Variants in CREM observed in about 807,000 individuals in gnomAD.
The protein encoded by CREM is cAMP responsive element modulator.
A neutral mutation model predicts 37.3 loss-of-function variants in CREM; 13 were observed. The ratio of observed to expected loss-of-function variants is 0.35; its 90% CI spans 0.23 to 0.55. The LOEUF is 0.55. Among genes scored for constraint, CREM ranks in the 20% least tolerant of loss-of-function variants. CREM has a pLI of 0.88. For missense variants in CREM, 296 were observed against 362.3 expected (o/e 0.82, Z 1.49); for synonymous variants, 124 against 120.2 (o/e 1.03, Z -0.21).
intron 3 of CREM, among the ~76,000 whole-genome samples, chr10:35,163,064 G>C (rs1006111461): frequency 5.3e-5 from 8 of 151,384 alleles, no homozygotes; most frequent in Admixed American, 1.3e-4. Flanking sequence ...AAATTAGCCA[G>C]GCATGGTGGC....
intron 6 of CREM, among the ~76,000 whole-genome samples, chr10:35,194,270 A>T (rs2095054836): frequency 6.6e-6 from 1 of 152,042 alleles, no homozygotes; most frequent in Non-Finnish European, 1.5e-5. Flanking sequence ...ATAATGATCC[A>T]GCTCTCTATG....
At chr10:35,138,133 A>G (rs2090866949) in intron 2 of CREM, among the ~76,000 whole-genome samples, 1 of 152,254 alleles carries the variant, frequency 6.6e-6, no homozygotes, top group South Asian at 2.1e-4. Flanking sequence ...AAGTAGACCA[A>G]TATGAGGATG....
rs570740531 is a variant in CREM, at chr10:35,159,768, G to A, written c.168+11277G>A. On this transcript the variant is annotated intron_variant, in intron 3 of 7. Transcript: ENST00000685392. ...CCACAGCAAAGGAAACATTCCACAG[G>A]GTGAAGAAGGGACCTACAGAATGGG... Among the ~76,000 whole-genome samples the A allele has an allele frequency of 1.5e-3, 231 of 152,120 alleles. 1 individual carries two copies. The highest frequency in any genetic ancestry group is 2.7e-3 in the Non-Finnish European group (182 of 68,024).
rs749807431 is a variant in CREM, at chr10:35,137,892, A to G, written c.44+13A>G. 5 of 1,576,806 alleles carry G rather than the reference A, an allele frequency of 3.2e-6. No individual in the cohort carries two copies. The highest frequency in any genetic ancestry group is 3.7e-5 in the Admixed American group (2 of 54,298). ...AGACAAATCCAAGGTAGGTAGATGT[A>G]CGTTTTTCTGTTCTTTTGAAAATTC... is the stretch of plus-strand genomic sequence containing the variant. On this transcript the variant is annotated intron_variant, in intron 2 of 7. Transcript: ENST00000685392.
intron 6 of CREM, among the ~76,000 whole-genome samples, chr10:35,203,104 G>C (rs1472377023): frequency 6.6e-6 from 1 of 151,852 alleles, no homozygotes; most frequent in African/African-American, 2.4e-5. Context: ...GCTCAGGCTG[G>C]AGTGCAGTAG....
At chr10:35,194,823 C>T (rs1243065070) in intron 6 of CREM, among the ~76,000 whole-genome samples, 1 of 150,678 alleles carries the variant, frequency 6.6e-6, no homozygotes, top group African/African-American at 2.4e-5. Context: ...CTTAGTTTAC[C>T]TAGAAGCCTT....
In CREM at chr10:35,211,266, G is replaced by C. The variant is rs1321821988; in HGVS notation, c.768G>C (p.Arg256=). ...LRLMKNREAA[R]ECRRKKKEYV... The stretch of plus-strand genomic sequence containing the variant: ...GTGTTGCTTCCAGGGAAGCTGCCCG[G>C]GAGTGTCGCAGGAAGAAGAAAGAAT... Residue 256 remains arginine (R), a synonymous_variant, in exon 8 of 8, where the codon CGG becomes CGC. Transcript: ENST00000685392. 10 of 1,613,338 alleles carry C rather than the reference G, an allele frequency of 6.2e-6. No individual in the cohort carries two copies. In the African/African-American group the frequency reaches 1.3e-4, roughly 22 times the overall value.
intron 2 of CREM, among the ~76,000 whole-genome samples, chr10:35,145,160 CA>C (rs34802396): frequency 0.026 from 1,759 of 67,834 alleles, 26 homozygotes; most frequent in African/African-American, 0.08. Context: ...GACACTGTCT[CA>C]AAAAAAAAAA....
Position 35,137,828 on chromosome 10 carries a change from T to C in CREM, c.-8T>C, listed in dbSNP as rs530192692. ...AGGAGGAAAGCATTGATTACAAATATCTTAACAATGAGCAAATGTGCAAGG... is the reference window on the plus strand; with the variant it reads ...AGGAGGAAAGCATTGATTACAAATACCTTAACAATGAGCAAATGTGCAAGG... On this transcript the variant is annotated 5_prime_UTR_variant, in exon 2 of 8. Transcript: ENST00000685392. The C allele has an allele frequency of 4.5e-6, 7 of 1,568,422 alleles. No individual in the cohort carries two copies. The highest frequency in any genetic ancestry group is 6.1e-6 in the Non-Finnish European group (7 of 1,151,776).
intron 6 of CREM, among the ~76,000 whole-genome samples, chr10:35,192,619 G>A (rs2094964531): frequency 6.6e-6 from 1 of 151,970 alleles, no homozygotes; most frequent in Non-Finnish European, 1.5e-5. Context: ...AAAGTGCTAC[G>A]ATTATAGGCA....
rs994915781 is a variant in CREM at position 35,141,836 on chromosome 10, A to G, written c.44+3957A>G. Among the ~76,000 whole-genome samples the G allele has an allele frequency of 6.6e-5, 10 of 152,296 alleles. No homozygotes were observed. The East Asian group carries it at 1.9e-3, about 29-fold the overall frequency. ...TTGAAGATTAACATTGAGGAAGAGA[A>G]GGAATTGTCAGGGGAGCTTGTGGAG... On this transcript the variant is annotated intron_variant, in intron 2 of 7. Transcript: ENST00000685392.
At chr10:35,131,127 C>T (rs867343765) in intron 1 of CREM, among the ~76,000 whole-genome samples, 1 of 152,052 alleles carries the variant, frequency 6.6e-6, no homozygotes, top group Non-Finnish European at 1.5e-5. Flanking sequence ...ATCCTCTTGT[C>T]AGACTTTTTT....
chr10:35,140,954 T>C (rs1454533750), intron 2 of CREM, among the ~76,000 whole-genome samples: 1 of 152,170 alleles, frequency 6.6e-6, no homozygotes, highest in Non-Finnish European at 1.5e-5. Flanking sequence ...ATGGGTCACA[T>C]TGTGAAAGAG....
At chr10:35,205,814 C>T (rs2095504909) in intron 6 of CREM, among the ~76,000 whole-genome samples, 1 of 152,082 alleles carries the variant, frequency 6.6e-6, no homozygotes, top group Non-Finnish European at 1.5e-5. Flanking sequence ...CAAAATTAGC[C>T]AGGTGTCGTG....
At chr10:35,143,995 G>A (rs1162729129) in intron 2 of CREM, among the ~76,000 whole-genome samples, 1 of 152,200 alleles carries the variant, frequency 6.6e-6, no homozygotes, top group Non-Finnish European at 1.5e-5. Flanking sequence ...AATATGGAAG[G>A]AGCTTATATC....
chr10:35,169,965 C>T (rs1274194938), intron 3 of CREM, among the ~76,000 whole-genome samples: 31 of 135,548 alleles, frequency 2.3e-4, no homozygotes, highest in East Asian at 2.2e-3. Flanking sequence ...GGTGGAGAAG[C>T]TTTTTTTTTT....
chr10:35,176,125 G>A, intron 3 of CREM: 1 of 1,330,986 alleles, frequency 7.5e-7, no homozygotes, highest in Non-Finnish European at 1.0e-6. Flanking sequence ...TAGATATTTG[G>A]AGGAATCTCT....
chr10:35,180,415 A>G (rs2094304659), intron 5 of CREM, among the ~76,000 whole-genome samples: 1 of 152,234 alleles, frequency 6.6e-6, no homozygotes, highest in East Asian at 1.9e-4. Flanking sequence ...AAGACTTTAT[A>G]TAGTCATTAT....
intron 6 of CREM, among the ~76,000 whole-genome samples, chr10:35,188,976 A>G (rs1190580144): frequency 1.3e-5 from 2 of 152,156 alleles, no homozygotes; most frequent in Non-Finnish European, 2.9e-5. Context: ...ACCCGGCCAC[A>G]TGAATGAATT....
Sources: gnomAD v4.1 joint callset for allele counts (sites outside exome capture counted in the v4.1 genomes callset) on GRCh38, gnomAD v4.1.1 for gene constraint, MANE v1.5 for transcripts, NCBI Gene and HGNC (gene_info 2026-07-23, HGNC 2026-07-21) for gene names.